The following ERC2 variants were observed in gnomAD, a reference collection of about 807,000 sequenced individuals.
ERC2 encodes ELKS/RAB6-interacting/CAST family member 2, also known as ERC protein 2.
Under a neutral mutation model 114.8 loss-of-function variants are expected in ERC2, and 42 were observed. The ratio of observed to expected loss-of-function variants is 0.37; its 90% CI spans 0.29 to 0.47. The LOEUF is 0.47. ERC2 is among the 20% of genes least tolerant of loss of function. ERC2 has a pLI of 0.99. For synonymous variants in ERC2, 454 were observed against 425.5 expected (o/e 1.07, Z -0.82); for missense variants, 939 against 1,150.7 (o/e 0.82, Z 2.66).
intron 13 of ERC2, among the ~76,000 whole-genome samples, chr3:55,912,661 A>C (rs77983947): frequency 6.6e-6 from 1 of 152,324 alleles, no homozygotes; most frequent in East Asian, 1.9e-4. Context: ...TTGGAAAGAA[A>C]TATATCAGGG....
intron 7 of ERC2, among the ~76,000 whole-genome samples, chr3:56,041,507 C>T: frequency 6.6e-6 from 1 of 152,148 alleles, no homozygotes; most frequent in Non-Finnish European, 1.5e-5. Context: ...CAGACTGGGC[C>T]ATTACTAAAT....
At chr3:56,066,472 G>GGATT (rs1346091412) in intron 7 of ERC2, among the ~76,000 whole-genome samples, 1 of 151,934 alleles carries the variant, frequency 6.6e-6, no homozygotes, top group African/African-American at 2.4e-5. Flanking sequence ...TAAAAGGGGT[G>GGATT]GATTGCAAAA....
chr3:55,569,829 T>C (rs1029360573), intron 17 of ERC2, among the ~76,000 whole-genome samples: 6 of 151,714 alleles, frequency 4.0e-5, no homozygotes, highest in Non-Finnish European at 4.4e-5. Flanking sequence ...ACACAGTCAA[T>C]AAATTTCTAT....
chr3:55,691,714 T>A (rs529014310), intron 16 of ERC2, among the ~76,000 whole-genome samples: 1 of 151,544 alleles, frequency 6.6e-6, no homozygotes, highest in African/African-American at 2.4e-5. Flanking sequence ...GAACTAAAGA[T>A]TCCTGGTTTT....
intron 17 of ERC2, among the ~76,000 whole-genome samples, chr3:55,538,954 A>G (rs1363393211): frequency 1.3e-5 from 2 of 152,216 alleles, no homozygotes; most frequent in East Asian, 1.9e-4. Flanking sequence ...AGATCCACAC[A>G]ATTGTGGATT....
intron 2 of ERC2, among the ~76,000 whole-genome samples, chr3:56,398,451 TGTAA>T (rs1264336053): frequency 6.6e-6 from 1 of 152,202 alleles, no homozygotes; most frequent in African/African-American, 2.4e-5. Flanking sequence ...TAATTTTTAA[TGTAA>T]GTATGTCACA....
chr3:55,969,015 A>G (rs2068958614), intron 12 of ERC2, among the ~76,000 whole-genome samples: 2 of 152,118 alleles, frequency 1.3e-5, no homozygotes, highest in South Asian at 2.1e-4. Context: ...TATCAAGATA[A>G]CTGTTTCCCC....
At chr3:55,644,555 T>C (rs2060313682) in intron 17 of ERC2, among the ~76,000 whole-genome samples, 1 of 152,146 alleles carries the variant, frequency 6.6e-6, no homozygotes. Flanking sequence ...ACATGCCCCA[T>C]ATGGTCACTG....
intron 2 of ERC2, among the ~76,000 whole-genome samples, chr3:56,384,207 G>T (rs2059854212): frequency 6.6e-6 from 1 of 152,040 alleles, no homozygotes; most frequent in South Asian, 2.1e-4. Context: ...AAATTATTTT[G>T]GGTATATATC....
chr3:55,967,702 C>T (rs1352043556), intron 12 of ERC2, among the ~76,000 whole-genome samples: 1 of 152,144 alleles, frequency 6.6e-6, no homozygotes, highest in African/African-American at 2.4e-5. Context: ...GCCTATGCAG[C>T]AATGCTGGAA....
rs1244984510 is a variant in ERC2 at position 55,583,430 on chromosome 3, C to T, written c.*40-72154G>A. Among the ~76,000 whole-genome samples, 8 of 128,924 alleles carry T rather than the reference C, an allele frequency of 6.2e-5. No homozygotes were observed. In the East Asian group the frequency reaches 1.3e-3, roughly 21 times the overall value. 84.6% of individuals were successfully genotyped at this position (128,924 alleles called of 152,430 possible). ...TCCTTCCTTCCTTCCTTCCTTCCTT[C>T]CTTCCTTCCTTCCTCCCTCCCTCCT... is the stretch of plus-strand genomic sequence containing the variant. On this transcript the variant is annotated intron_variant, in intron 17 of 17. Coordinates refer to ENST00000288221, the MANE Select transcript of ERC2 (RefSeq NM_015576.3).
intron 3 of ERC2, among the ~76,000 whole-genome samples, chr3:56,195,492 C>A (rs928487012): frequency 1.7e-5 from 1 of 60,540 alleles, no homozygotes; most frequent in Non-Finnish European, 4.7e-5. Flanking sequence ...TTTGTGTGTG[C>A]GTGTGTGCGT....
chr3:56,195,131 G>A (rs2048017263), intron 3 of ERC2, among the ~76,000 whole-genome samples: 1 of 152,110 alleles, frequency 6.6e-6, no homozygotes, highest in African/African-American at 2.4e-5. Flanking sequence ...GGGCTTTGGG[G>A]CCATTATTAA....
chr3:55,599,234 C>T (rs1347701328), intron 17 of ERC2, among the ~76,000 whole-genome samples: 1 of 152,180 alleles, frequency 6.6e-6, no homozygotes. Flanking sequence ...CCACATCTTG[C>T]TATGGACTGA....
At chr3:56,196,863 G>A (rs1436306652) in intron 3 of ERC2, among the ~76,000 whole-genome samples, 1 of 152,100 alleles carries the variant, frequency 6.6e-6, no homozygotes, top group African/African-American at 2.4e-5. Flanking sequence ...CAAAACAGTG[G>A]AGGGGATTTT....
At chr3:56,363,875 A>C in intron 2 of ERC2, among the ~76,000 whole-genome samples, 1 of 146,936 alleles carries the variant, frequency 6.8e-6, no homozygotes. Flanking sequence ...GGGAAAGGGA[A>C]AGGGAAAGGG....
At chr3:56,435,232 A>C in intron 1 of ERC2, 85 bp from the exon 2 acceptor site, 1 of 489,302 alleles carries the variant, frequency 2.0e-6, no homozygotes, top group South Asian at 2.5e-5. Flanking sequence ...AAAGATAATG[A>C]TAGATGTACC....
At chr3:56,242,009 C>T (rs534758574) in intron 3 of ERC2, among the ~76,000 whole-genome samples, 214 of 152,252 alleles carry the variant, frequency 1.4e-3, no homozygotes, top group African/African-American at 4.9e-3. Flanking sequence ...CAGTATTTAT[C>T]ATCTGGCCGT....
At chr3:55,786,417 A>C (rs2069493713) in intron 14 of ERC2, among the ~76,000 whole-genome samples, 1 of 152,240 alleles carries the variant, frequency 6.6e-6, no homozygotes, top group Non-Finnish European at 1.5e-5. Flanking sequence ...TACTAGAGTC[A>C]AGCCTCACAA....
Sources: gnomAD v4.1 joint callset for allele counts (sites outside exome capture counted in the v4.1 genomes callset) on GRCh38, gnomAD v4.1.1 for gene constraint, MANE v1.5 for transcripts, NCBI Gene and HGNC (gene_info 2026-07-23, HGNC 2026-07-21) for gene names.